The following PRIM1 variants were observed in gnomAD, a reference collection of about 807,000 sequenced individuals.
The protein encoded by PRIM1 is DNA primase small subunit.
A neutral mutation model predicts 60.2 loss-of-function variants in PRIM1; 38 were observed. The ratio of observed to expected loss-of-function variants is 0.63; its 90% confidence interval spans 0.49 to 0.83. PRIM1 has a LOEUF of 0.83. Ranked by LOEUF, PRIM1 falls within the 40% of genes least tolerant of loss-of-function variation. The pLI is 0.00. For synonymous variants in PRIM1, 158 were observed against 160.2 expected (o/e 0.99, Z 0.10); for missense variants, 388 against 506.2 (o/e 0.77, Z 2.24).
At chr12:56,744,216 T>C in intron 5 of PRIM1, 93 bp from the exon 6 acceptor site, 1 of 957,854 alleles carries the variant, frequency 1.0e-6, no homozygotes, top group Non-Finnish European at 1.6e-6. Context: ...ATGGACTGCA[T>C]ATAAGATGGT....
Position 56,739,374 on chromosome 12 carries a change from CA to C in PRIM1, c.983-12del. On this transcript the variant is annotated splice_polypyrimidine_tract_variant and intron_variant, in intron 9 of 12. Transcript: ENST00000338193. Reference sequence around the variant, plus strand: ...GCACAGATATGCGACCTGTAAGACACAAAAGTTATAAACTGATGATTGTGGA... The same window carrying C: ...GCACAGATATGCGACCTGTAAGACACAAAGTTATAAACTGATGATTGTGGA... The C allele has an allele frequency of 1.3e-6, 2 of 1,529,922 alleles. No homozygotes were observed. The highest frequency in any genetic ancestry group is 8.9e-7 in the Non-Finnish European group (1 of 1,122,310). 94.8% of individuals were successfully genotyped at this position (1,529,922 alleles called of 1,614,324 possible).
intron 9 of PRIM1, among the ~76,000 whole-genome samples, chr12:56,739,739 C>T (rs1435951745): frequency 6.6e-6 from 1 of 152,178 alleles, no homozygotes; most frequent in Non-Finnish European, 1.5e-5. Flanking sequence ...TGGGGTCTCA[C>T]TATGTTGCCC....
intron 9 of PRIM1, among the ~76,000 whole-genome samples, chr12:56,740,892 C>A (rs1311298575): frequency 3.3e-5 from 5 of 152,222 alleles, no homozygotes; most frequent in East Asian, 3.9e-4. Context: ...CAGCTCACTG[C>A]AGCCTCAACT....
At chr12:56,746,243 T>C in intron 4 of PRIM1, 62 bp from the exon 5 acceptor site, 2 of 1,522,970 alleles carry the variant, frequency 1.3e-6, no homozygotes, top group Non-Finnish European at 1.8e-6. Context: ...TTAATGTATA[T>C]TAAATTACTT....
At chr12:56,740,698 G>A (rs181955968) in intron 9 of PRIM1, among the ~76,000 whole-genome samples, 28 of 152,170 alleles carry the variant, frequency 1.8e-4, no homozygotes, top group African/African-American at 4.8e-4. Flanking sequence ...TGAGCCGATC[G>A]GTGAGCCGAG....
At chr12:56,742,078 C>A (rs971456329) in intron 7 of PRIM1, 4 of 476,620 alleles carry the variant, frequency 8.4e-6, no homozygotes, top group Admixed American at 3.3e-5. Flanking sequence ...CATGGTGAAA[C>A]CCCATCTCTA....
Position 56,743,032 on chromosome 12 carries a change from C to T in PRIM1, c.703G>A (p.Glu235Lys), listed in dbSNP as rs1316046960. The change falls in exon 7 of 13, where the codon GAA becomes AAA. Residue 235 changes from glutamate to lysine, a missense_variant. Physicochemically the swap from Glu to Lys is moderately conservative, Grantham distance 56. Coordinates refer to ENST00000338193, the MANE Select transcript of PRIM1 (RefSeq NM_000946.3). ...ATCTTATCCCAGCTTTCTTTATTTTCGAGAATATCTTGATTAACCAAGGCA... is the reference window on the plus strand; with the variant it reads ...ATCTTATCCCAGCTTTCTTTATTTTTGAGAATATCTTGATTAACCAAGGCA... ...EYALVNQDILENKESWDKILA... is the reference protein window; with the variant it reads ...EYALVNQDILKNKESWDKILA... The T allele has an allele frequency of 2.6e-6, 4 of 1,544,028 alleles. No individual in the cohort carries two copies. The highest frequency in any genetic ancestry group is 1.4e-5 in the African/African-American group (1 of 72,442).
intron 5 of PRIM1, among the ~76,000 whole-genome samples, chr12:56,745,159 C>T (rs1417557103): frequency 6.6e-6 from 1 of 151,426 alleles, no homozygotes; most frequent in Non-Finnish European, 1.5e-5. Context: ...CACCTGTAAT[C>T]TCAGCATTTT....
chr12:56,751,269 G>A, intron 1 of PRIM1, 74 bp from the exon 2 acceptor site: 1 of 1,168,394 alleles, frequency 8.6e-7, no homozygotes. Context: ...TTTAGCCAAT[G>A]AGAAGTTTTT....
At chr12:56,742,887 TTATAAG>T in intron 7 of PRIM1, 94 bp downstream of exon 7, 1 of 854,052 alleles carries the variant, frequency 1.2e-6, no homozygotes, top group Non-Finnish European at 1.7e-6. Context: ...AAGATTAAAC[TTATAAG>T]TATATGAGAA....
intron 9 of PRIM1, among the ~76,000 whole-genome samples, chr12:56,740,758 A>G (rs77346018): frequency 1.3e-5 from 2 of 152,066 alleles, no homozygotes; most frequent in African/African-American, 4.8e-5. Context: ...CTCTTTCTCG[A>G]AAAAAATTTT....
chr12:56,746,675 C>T (rs953885835), intron 4 of PRIM1, 106 bp downstream of exon 4: 3 of 304,794 alleles, frequency 9.8e-6, no homozygotes, highest in Non-Finnish European at 1.1e-5. Context: ...CACACACACA[C>T]AAATTAATGA....
rs1180140893 is a variant in PRIM1, at chr12:56,744,124, C to T, written c.580-1G>A. The T allele has an allele frequency of 1.3e-6, 2 of 1,552,246 alleles. No homozygotes were observed. Among genetic ancestry groups the T allele is most frequent in the East Asian group, 2.4e-5 (1 of 42,538 alleles). Reference sequence around the variant, plus strand: ...CTTTCTTTTTAACGTCTTGACCACCCTGAAAAATAAATCATTAAAAAAGAA... The same window carrying T: ...CTTTCTTTTTAACGTCTTGACCACCTTGAAAAATAAATCATTAAAAAAGAA... On this transcript the variant is annotated splice_acceptor_variant, in intron 5 of 12. Coordinates refer to ENST00000338193, the MANE Select transcript of PRIM1 (RefSeq NM_000946.3). LOFTEE classifies it high-confidence loss of function.
chr12:56,750,748 C>T (rs1953944820), intron 2 of PRIM1, among the ~76,000 whole-genome samples: 1 of 152,076 alleles, frequency 6.6e-6, no homozygotes, highest in African/African-American at 2.4e-5. Flanking sequence ...TACCACCACG[C>T]CCGGCTAATT....
intron 6 of PRIM1, 66 bp downstream of exon 6, chr12:56,743,999 G>A (rs1006239360): frequency 8.8e-7 from 1 of 1,137,344 alleles, no homozygotes; most frequent in Non-Finnish European, 1.3e-6. Flanking sequence ...TGATAGCAAG[G>A]TAACTCTAAA....
chr12:56,744,224 G>A, intron 5 of PRIM1, 101 bp from the exon 6 acceptor site: 1 of 825,038 alleles, frequency 1.2e-6, no homozygotes, highest in Non-Finnish European at 1.9e-6. Context: ...CATATAAGAT[G>A]GTGGGCACGG....
At chr12:56,736,198 T>C (rs1019178591) in intron 11 of PRIM1, among the ~76,000 whole-genome samples, 5 of 140,850 alleles carry the variant, frequency 3.5e-5, no homozygotes, top group Admixed American at 1.6e-4. Flanking sequence ...CTCAGGAGGC[T>C]GAGGCAGGAG....
chr12:56,740,298 G>A (rs1007575816), intron 9 of PRIM1, among the ~76,000 whole-genome samples: 4 of 152,040 alleles, frequency 2.6e-5, no homozygotes, highest in Non-Finnish European at 5.9e-5. Flanking sequence ...CTCAGAGTTA[G>A]TGAGTCCTGA....
At chr12:56,743,974 C>G (rs1025523229) in intron 6 of PRIM1, 91 bp downstream of exon 6, 1 of 848,600 alleles carries the variant, frequency 1.2e-6, no homozygotes, top group Non-Finnish European at 1.9e-6. Context: ...TAAAATGCTA[C>G]CCAGCAGTGA....
Sources: allele counts gnomAD v4.1 joint callset (sites outside exome capture counted in the v4.1 genomes callset), GRCh38; gene constraint gnomAD v4.1.1; transcripts MANE v1.5; gene names NCBI Gene and HGNC (gene_info 2026-07-23, HGNC 2026-07-21).